SEL1L2: variants seen among roughly 807,000 people sequenced by gnomAD.
The protein encoded by SEL1L2 is protein sel-1 homolog 2.
SEL1L2 carries 89 observed loss-of-function variants against 98.8 expected under a neutral mutation model. That is an observed-to-expected ratio of 0.90 (90% CI 0.76 to 1.07). The LOEUF is 1.07. Among genes scored for constraint, SEL1L2 ranks in the 50% least tolerant of loss-of-function variants. SEL1L2 has a pLI of 0.00. For missense variants in SEL1L2, 788 were observed against 812.0 expected (o/e 0.97, Z 0.36); for synonymous variants, 262 against 278.5 (o/e 0.94, Z 0.59).
At chr20:13,928,332 G>A (rs1180879298) in intron 3 of SEL1L2, 1 of 152,222 alleles carries the variant, frequency 6.6e-6, no homozygotes, top group Non-Finnish European at 1.5e-5. Flanking sequence ...TTGCAGGGAG[G>A]TGGGAGAGCA....
chr20:13,986,398 C>T (rs890071355), intron 1 of SEL1L2, among the ~76,000 whole-genome samples: 1 of 152,010 alleles, frequency 6.6e-6, no homozygotes, highest in Non-Finnish European at 1.5e-5. Context: ...GCAGTCACTC[C>T]CCATTCTCCC....
chr20:13,915,037 C>A (rs2048344667), intron 4 of SEL1L2: 8 of 1,155,910 alleles, frequency 6.9e-6, no homozygotes, highest in Admixed American at 6.0e-5. Flanking sequence ...TAACTTCTAC[C>A]TGTGACCTTG....
intron 5 of SEL1L2, among the ~76,000 whole-genome samples, chr20:13,909,480 C>T (rs909163779): frequency 6.6e-6 from 1 of 152,152 alleles, no homozygotes; most frequent in Non-Finnish European, 1.5e-5. Context: ...TCCATCAAAG[C>T]ACTGGAATTT....
At chr20:13,946,080 C>T (rs914123532) in intron 2 of SEL1L2, among the ~76,000 whole-genome samples, 15 of 152,186 alleles carry the variant, frequency 9.9e-5, no homozygotes, top group African/African-American at 3.6e-4. Context: ...AGGATACCCA[C>T]TGTTAACTGC....
intron 2 of SEL1L2, among the ~76,000 whole-genome samples, chr20:13,951,174 G>A (rs1033499574): frequency 6.6e-5 from 10 of 151,020 alleles, no homozygotes; most frequent in South Asian, 2.1e-4. Flanking sequence ...CTACTCGGGA[G>A]GCTGAGGCAG....
chr20:13,983,048 A>AAAAAAAAAAAAAAT (rs2051935324), intron 1 of SEL1L2, among the ~76,000 whole-genome samples: 1 of 135,206 alleles, frequency 7.4e-6, no homozygotes, highest in Non-Finnish European at 1.6e-5. Flanking sequence ...AAAAAAAAAA[A>AAAAAAAAAAAAAAT]GCAGCAGCCA....
At chr20:13,971,133 T>TA (rs1343943243) in intron 1 of SEL1L2, among the ~76,000 whole-genome samples, 5 of 151,732 alleles carry the variant, frequency 3.3e-5, no homozygotes, top group Non-Finnish European at 5.9e-5. Flanking sequence ...GGCTCTTTTT[T>TA]AAAAAAAATC....
chr20:13,862,203 T>C (rs527367467), intron 17 of SEL1L2, among the ~76,000 whole-genome samples: 37 of 152,340 alleles, frequency 2.4e-4, no homozygotes, highest in Non-Finnish European at 5.0e-4. Flanking sequence ...TCAAGTACTT[T>C]AGAATATGAC....
At chr20:13,933,215 A>C (rs1346609478) in intron 2 of SEL1L2, among the ~76,000 whole-genome samples, 2 of 152,182 alleles carry the variant, frequency 1.3e-5, no homozygotes, top group Admixed American at 1.3e-4. Context: ...AAAAAATAAA[A>C]TAAAATAAAA....
chr20:13,911,776 A>G (rs1439565955), intron 5 of SEL1L2, among the ~76,000 whole-genome samples: 1 of 152,178 alleles, frequency 6.6e-6, no homozygotes, highest in Non-Finnish European at 1.5e-5. Flanking sequence ...GTTTTTGTAA[A>G]AAAATAATTC....
At chr20:13,946,552 C>T (rs1368181477) in intron 2 of SEL1L2, among the ~76,000 whole-genome samples, 3 of 152,226 alleles carry the variant, frequency 2.0e-5, no homozygotes, top group East Asian at 3.8e-4. Context: ...GCAGAAATGC[C>T]AGCTGCAGCA....
At chr20:13,849,758 A>C (rs980909657) in intron 19 of SEL1L2, among the ~76,000 whole-genome samples, 154 bp from the exon 20 acceptor site, 1 of 152,058 alleles carries the variant, frequency 6.6e-6, no homozygotes, top group Non-Finnish European at 1.5e-5. Context: ...GCTTGCTTAC[A>C]TCTTCCACAA....
At chr20:13,918,270 A>T (rs2148222745) in intron 4 of SEL1L2, among the ~76,000 whole-genome samples, 1 of 152,284 alleles carries the variant, frequency 6.6e-6, no homozygotes, top group African/African-American at 2.4e-5. Flanking sequence ...AGGTTGAGTA[A>T]CTTATCCAAG....
At chr20:13,938,044 G>T (rs1242226810) in intron 2 of SEL1L2, among the ~76,000 whole-genome samples, 4 of 151,782 alleles carry the variant, frequency 2.6e-5, no homozygotes, top group Non-Finnish European at 5.9e-5. Flanking sequence ...AACAAAAACA[G>T]TGCTGGGAGG....
chr20:13,907,767 T>C (rs1196019303), intron 5 of SEL1L2, among the ~76,000 whole-genome samples: 2 of 148,736 alleles, frequency 1.3e-5, no homozygotes, highest in Non-Finnish European at 3.0e-5. Flanking sequence ...TTTTCTTTTC[T>C]TTTTTTTTCT....
Position 13,931,643 on chromosome 20 carries a change from T to G in SEL1L2, c.243A>C (p.Gly81=), listed in dbSNP as rs1600803089. ...TCTTCAAGATATCTTTATTTTGAAT[T>G]CCTTTTATTCTTATTTTACGTTGAT... ...KKNQRKIRIK[G]IQNKDILKRN... is the part of the protein sequence containing the mutation. The change falls in exon 3 of 20, where the codon GGA becomes GGC. Residue 81 remains glycine, a synonymous_variant. Coordinates refer to ENST00000284951, the MANE Select transcript of SEL1L2 (RefSeq NM_025229.2). The G allele has an allele frequency of 6.8e-7, 1 of 1,466,486 alleles. No homozygotes were observed. Among genetic ancestry groups the G allele is most frequent in the Non-Finnish European group, 9.3e-7 (1 of 1,076,624 alleles). The allele number at this position is 1,466,486 out of a possible 1,614,324, so 90.8% of individuals were successfully genotyped here.
At chr20:13,976,093 C>A (rs1013281234) in intron 1 of SEL1L2, among the ~76,000 whole-genome samples, 2 of 152,064 alleles carry the variant, frequency 1.3e-5, no homozygotes, top group Non-Finnish European at 2.9e-5. Flanking sequence ...CCTTTGCCTC[C>A]CAGGTTCAAG....
At chr20:13,908,496 G>A (rs2048077127) in intron 5 of SEL1L2, among the ~76,000 whole-genome samples, 1 of 152,102 alleles carries the variant, frequency 6.6e-6, no homozygotes, top group South Asian at 2.1e-4. Flanking sequence ...TTCCTATTGA[G>A]GACAGTTCAT....
chr20:13,950,993 G>C (rs2050233129), intron 2 of SEL1L2, among the ~76,000 whole-genome samples: 1 of 151,988 alleles, frequency 6.6e-6, no homozygotes, highest in Non-Finnish European at 1.5e-5. Context: ...ATACTGATTA[G>C]AGGCCGGGCG....
Sources: allele counts gnomAD v4.1 joint callset (sites outside exome capture counted in the v4.1 genomes callset), GRCh38; gene constraint gnomAD v4.1.1; transcripts MANE v1.5; gene names NCBI Gene and HGNC (gene_info 2026-07-23, HGNC 2026-07-21).